The following MID1 variants were observed in gnomAD, a reference collection of about 807,000 sequenced individuals.
The protein encoded by MID1 is E3 ubiquitin-protein ligase Midline-1.
In MID1, 7 loss-of-function variants were observed where a neutral mutation model predicts 40.4. The ratio of observed to expected loss-of-function variants is 0.17; its 90% CI spans 0.10 to 0.33. The LOEUF (loss-of-function observed/expected upper bound fraction) is 0.33. Ranked by LOEUF, MID1 falls within the 10% of genes least tolerant of loss-of-function variation. MID1 has a pLI of 1.00. For missense variants in MID1, 367 were observed against 558.5 expected (o/e 0.66, Z 3.46); for synonymous variants, 229 against 221.2 (o/e 1.04, Z -0.31).
chrX:10,788,418 A>C, intron 1 of MID1, among the ~76,000 whole-genome samples: 1 of 111,707 alleles, frequency 9.0e-6, no homozygotes, highest in Non-Finnish European at 1.9e-5. Context: ...GCAAATATGT[A>C]TTGATCTCCT....
At chrX:10,693,977 C>T (rs2043146143) in intron 1 of MID1, among the ~76,000 whole-genome samples, 1 of 112,208 alleles carries the variant, frequency 8.9e-6, no homozygotes, top group South Asian at 3.7e-4. Flanking sequence ...CACTCAGAAC[C>T]CAAGAGTTGG....
intron 1 of MID1, among the ~76,000 whole-genome samples, chrX:10,733,104 T>C (rs111789197): frequency 0.039 from 4,294 of 110,433 alleles, 180 homozygotes; most frequent in African/African-American, 0.13. Context: ...CCTCATGATC[T>C]GCCCGCCTCA....
chrX:10,469,136 A>C (rs773487265), intron 7 of MID1: 31 of 121,016 alleles, frequency 2.6e-4, no homozygotes, highest in African/African-American at 9.4e-4. Context: ...CTGTAGTGTG[A>C]TCTCTGCCCA....
At chrX:10,722,833 A>T (rs2043366082) in intron 1 of MID1, among the ~76,000 whole-genome samples, 1 of 111,992 alleles carries the variant, frequency 8.9e-6, no homozygotes, top group Admixed American at 9.5e-5. Flanking sequence ...AGAAAGTTTA[A>T]GTATCTTTTT....
intron 1 of MID1, among the ~76,000 whole-genome samples, chrX:10,787,891 T>C (rs1488278571): frequency 9.0e-6 from 1 of 111,065 alleles, no homozygotes. Flanking sequence ...TTATTAATGA[T>C]AATAAATGTT....
At chrX:10,754,309 G>GTTTTTTTTT (rs200251008) in intron 1 of MID1, among the ~76,000 whole-genome samples, 7 of 104,586 alleles carry the variant, frequency 6.7e-5, no homozygotes, top group African/African-American at 2.8e-4. Context: ...GTTTTTTTTT[G>GTTTTTTTTT]TTTTTTGTTT....
intron 1 of MID1, among the ~76,000 whole-genome samples, chrX:10,755,343 T>G (rs1487683868): frequency 8.9e-6 from 1 of 111,775 alleles, no homozygotes; most frequent in African/African-American, 3.3e-5. Flanking sequence ...TATAGATTTT[T>G]TTTTTGTTGT....
chrX:10,604,619 C>T (rs1935592244), intron 1 of MID1, among the ~76,000 whole-genome samples: 2 of 111,774 alleles, frequency 1.8e-5, no homozygotes, highest in Admixed American at 9.5e-5. Context: ...TTAAGGCTGA[C>T]AATTAAATAT....
chrX:10,703,704 C>A (rs2043207419), intron 1 of MID1, among the ~76,000 whole-genome samples: 1 of 111,466 alleles, frequency 9.0e-6, no homozygotes, highest in Admixed American at 9.5e-5. Context: ...GATTTTTAGC[C>A]CTTGAAGGCA....
Position 10,599,926 on chromosome X carries a change from T to C in MID1, c.-57+20364A>G, listed in dbSNP as rs192272520. Among the ~76,000 whole-genome samples the C allele has an allele frequency of 3.6e-4, 41 of 112,373 alleles. 1 individual carries two copies. The Admixed American group carries it at 3.7e-3, about 10-fold the overall frequency. Reference sequence around the variant, plus strand: ...TGGAAACAATGATTTGACATTAGAATGCTGTATCCATTGCTCTGAGAATAA... The same window carrying C: ...TGGAAACAATGATTTGACATTAGAACGCTGTATCCATTGCTCTGAGAATAA... On this transcript the variant is annotated intron_variant, in intron 1 of 9. Coordinates refer to ENST00000317552, the MANE Select transcript of MID1 (RefSeq NM_000381.4).
intron 1 of MID1, among the ~76,000 whole-genome samples, chrX:10,703,992 T>C (rs2043209567): frequency 8.9e-6 from 1 of 112,469 alleles, no homozygotes; most frequent in Non-Finnish European, 1.9e-5. Flanking sequence ...AAAACAAATC[T>C]ATTGCTAAAA....
chrX:10,618,182 A>T (rs1057255530), intron 1 of MID1, among the ~76,000 whole-genome samples: 17 of 112,185 alleles, frequency 1.5e-4, no homozygotes, highest in African/African-American at 4.5e-4. Context: ...ACTCATCAGC[A>T]AAGAGATCCA....
intron 1 of MID1, among the ~76,000 whole-genome samples, chrX:10,735,315 C>A (rs1569158551): frequency 9.0e-6 from 1 of 111,619 alleles, no homozygotes; most frequent in East Asian, 2.8e-4. Flanking sequence ...TTGGCCAGGC[C>A]GGTCTCAAAC....
intron 1 of MID1, among the ~76,000 whole-genome samples, chrX:10,666,818 G>C (rs1326653250): frequency 9.0e-6 from 1 of 111,651 alleles, no homozygotes; most frequent in East Asian, 2.8e-4. Flanking sequence ...GCTTTTCATA[G>C]GTGGCCACCT....
chrX:10,793,843 G>C (rs2043950617), intron 1 of MID1, among the ~76,000 whole-genome samples: 1 of 111,891 alleles, frequency 8.9e-6, no homozygotes, highest in South Asian at 3.8e-4. Flanking sequence ...CTTGTCTACT[G>C]TTCTAAAGTA....
chrX:10,813,418 T>A (rs2044116033), intron 1 of MID1, among the ~76,000 whole-genome samples: 1 of 111,507 alleles, frequency 9.0e-6, no homozygotes, highest in Non-Finnish European at 1.9e-5. Flanking sequence ...GGTGTAATTA[T>A]CTCTATTTTT....
At chrX:10,490,970 A>G (rs1930912949) in intron 4 of MID1, among the ~76,000 whole-genome samples, 1 of 112,172 alleles carries the variant, frequency 8.9e-6, no homozygotes, top group Non-Finnish European at 1.9e-5. Context: ...TGTTTAAAAA[A>G]GTCTCTACTG....
At chrX:10,580,472 G>C (rs1398288352) in intron 1 of MID1, among the ~76,000 whole-genome samples, 6 of 111,477 alleles carry the variant, frequency 5.4e-5, no homozygotes, top group Non-Finnish European at 9.4e-5. Context: ...CAGCAACTAA[G>C]TGGCTAACAT....
chrX:10,790,277 T>G (rs12006584), intron 1 of MID1, among the ~76,000 whole-genome samples: 5,297 of 110,191 alleles, frequency 0.048, 290 homozygotes, highest in African/African-American at 0.16. Flanking sequence ...CCCAAGTAGC[T>G]GGGACTATGG....
Sources: allele counts gnomAD v4.1 joint callset (sites outside exome capture counted in the v4.1 genomes callset), GRCh38; gene constraint gnomAD v4.1.1; transcripts MANE v1.5; gene names NCBI Gene and HGNC (gene_info 2026-07-23, HGNC 2026-07-21).